TSEN2: variants seen among roughly 807,000 people sequenced by gnomAD.
The protein encoded by TSEN2 is tRNA splicing endonuclease subunit 2.
In TSEN2, 54 loss-of-function variants were observed where a neutral mutation model predicts 59.2. That is an observed-to-expected ratio of 0.91 (90% CI 0.73 to 1.14). TSEN2 has a LOEUF of 1.14. Ranked by LOEUF, TSEN2 falls within the 50% of genes most tolerant of loss-of-function variation. The pLI, the probability that TSEN2 is intolerant of heterozygous loss-of-function variation, is 0.00. For missense variants in TSEN2, 636 were observed against 576.2 expected (o/e 1.10, Z -1.06); for synonymous variants, 195 against 198.2 (o/e 0.98, Z 0.14).
chr3:12,503,746 T>G lies in TSEN2; in HGVS notation c.793T>G (p.Cys265Gly). 3 of 1,613,732 alleles carry G rather than the reference T, an allele frequency of 1.9e-6. No homozygotes were observed. Among genetic ancestry groups the G allele is most frequent in the South Asian group, 2.2e-5 (2 of 91,052 alleles). The change falls in exon 5 of 12, where the codon TGT becomes GGT. Residue 265 changes from cysteine (C) to glycine (G), a missense_variant. Coordinates refer to ENST00000284995, the MANE Select transcript of TSEN2 (RefSeq NM_025265.4). ...GTACGTGCTGGTCGAGGAAGCGGAGTGTGCCATGAGCGAGAGGGAGGCTGC... is the reference window on the plus strand; with the variant it reads ...GTACGTGCTGGTCGAGGAAGCGGAGGGTGCCATGAGCGAGAGGGAGGCTGC... ...HEYVLVEEAE[C>G]AMSEREAAPN...
chr3:12,534,091 A>T (rs2348194), downstream of TSEN2, among the ~76,000 whole-genome samples: 62,913 of 151,378 alleles, frequency 0.42, 14,032 homozygotes, highest in African/African-American at 0.58. Context: ...TAAAAATTGC[A>T]TGCAGTCAGA....
rs1329474536 is a variant in TSEN2, at chr3:12,519,466, CTGA to C, written c.1099+270_1099+272del. On this transcript the variant is annotated intron_variant, in intron 8 of 11. Transcript: ENST00000284995. Reference sequence around the variant, plus strand: ...CTATGATCTTAGAAAAGCGTTCTGGCTGAGCGCCGTGGCTTACGCATGTAATCC... The same window carrying C: ...CTATGATCTTAGAAAAGCGTTCTGGCGCGCCGTGGCTTACGCATGTAATCC... Among the ~76,000 whole-genome samples, 6 of 152,322 alleles carry C rather than the reference CTGA, an allele frequency of 3.9e-5. No homozygotes were observed. In the South Asian group the frequency reaches 1.2e-3, roughly 32 times the overall value.
At chr3:12,505,373 C>T in intron 6 of TSEN2, 142 bp downstream of exon 6, 3 of 679,578 alleles carry the variant, frequency 4.4e-6, no homozygotes, top group Non-Finnish European at 8.1e-6. Context: ...CTATGGGTAG[C>T]TCCCAAGTAG....
intron 6 of TSEN2, among the ~76,000 whole-genome samples, chr3:12,515,991 A>G (rs2056032991): frequency 6.6e-6 from 1 of 152,130 alleles, no homozygotes; most frequent in African/African-American, 2.4e-5. Context: ...CTTCAGTTAT[A>G]TAGGTTTTTT....
chr3:12,537,891 A>G (rs536159214), downstream of TSEN2, among the ~76,000 whole-genome samples: 2 of 152,336 alleles, frequency 1.3e-5, no homozygotes, highest in African/African-American at 4.8e-5. Context: ...GTTACTACTA[A>G]TAATGAGTAA....
chr3:12,497,790 C>G (rs2053904559), intron 4 of TSEN2, among the ~76,000 whole-genome samples: 1 of 152,178 alleles, frequency 6.6e-6, no homozygotes, highest in Non-Finnish European at 1.5e-5. Flanking sequence ...TATTCATTTC[C>G]TAGGGCTGCC....
At chr3:12,506,439 AC>A (rs2054841829) in intron 6 of TSEN2, among the ~76,000 whole-genome samples, 1 of 152,070 alleles carries the variant, frequency 6.6e-6, no homozygotes, top group South Asian at 2.1e-4. Flanking sequence ...TACAAAAAAT[AC>A]AAAAATTAGC....
At chr3:12,505,738 C>T (rs1223239389) in intron 6 of TSEN2, among the ~76,000 whole-genome samples, 4 of 141,440 alleles carry the variant, frequency 2.8e-5, no homozygotes, top group Non-Finnish European at 4.5e-5. Flanking sequence ...AAGCCAAGAT[C>T]GTGCCATTGC....
intron 3 of TSEN2, 56 bp from the exon 4 acceptor site, chr3:12,496,462 T>A (rs1296378311): frequency 6.4e-7 from 1 of 1,558,246 alleles, no homozygotes; most frequent in Non-Finnish European, 8.9e-7. Context: ...AGATTTTTAG[T>A]GTTTGTTCCC....
rs1330403611 is a variant in TSEN2 at position 12,503,763 on chromosome 3, G to C, written c.810G>C (p.Arg270Ser). 3 of 1,614,010 alleles carry C rather than the reference G, an allele frequency of 1.9e-6. No individual in the cohort carries two copies. Among genetic ancestry groups the C allele is most frequent in the Admixed American group, 1.7e-5 (1 of 59,972 alleles). Residue 270 changes from arginine (R) to serine (S), a missense_variant, in exon 5 of 12, where the codon AGG (arginine) becomes AGC (serine). Physicochemically the swap from Arg to Ser is moderately radical, Grantham distance 110. Transcript: ENST00000284995. Reference sequence around the variant, plus strand: ...AAGCGGAGTGTGCCATGAGCGAGAGGGAGGCTGCCCCAAATGAGGAAGTAA... The same window carrying C: ...AAGCGGAGTGTGCCATGAGCGAGAGCGAGGCTGCCCCAAATGAGGAAGTAA... ...VEEAECAMSE[R>S]EAAPNEELVQ...
At chr3:12,511,496 A>G (rs1185321251) in intron 6 of TSEN2, among the ~76,000 whole-genome samples, 1 of 152,176 alleles carries the variant, frequency 6.6e-6, no homozygotes, top group Non-Finnish European at 1.5e-5. Context: ...ATCTCCTAAC[A>G]TAAACCAAAA....
At position 12,510,016 on chromosome 3, in the gene TSEN2, G is replaced by A. The variant is rs369644921; in HGVS notation, c.909+4785G>A. ...GCTCATGTGTCCTTCTCCCCAAGGAGGTATAAACTGTTTTTTACTTGATAC... is the reference window on the plus strand; with the variant it reads ...GCTCATGTGTCCTTCTCCCCAAGGAAGTATAAACTGTTTTTTACTTGATAC... On this transcript the variant is annotated intron_variant, in intron 6 of 11. Coordinates refer to ENST00000284995, the MANE Select transcript of TSEN2 (RefSeq NM_025265.4). 1.1e-4 allele frequency among the ~76,000 whole-genome samples: 16 copies of A among 152,322 alleles called. No homozygotes were observed. In the East Asian group the frequency reaches 2.9e-3, roughly 28 times the overall value.
chr3:12,495,673 G>A (rs2053677236), intron 3 of TSEN2, among the ~76,000 whole-genome samples: 1 of 152,250 alleles, frequency 6.6e-6, no homozygotes, highest in Non-Finnish European at 1.5e-5. Context: ...GTCACTAGGT[G>A]TGCAATCTTG....
chr3:12,513,429 A>G (rs2055710107), intron 6 of TSEN2, among the ~76,000 whole-genome samples: 1 of 152,202 alleles, frequency 6.6e-6, no homozygotes, highest in Admixed American at 6.5e-5. Context: ...AGTTCCAGAA[A>G]GGAGGAAAAC....
chr3:12,492,044 C>T (rs573600189), intron 2 of TSEN2, 92 bp from the exon 3 acceptor site: 377 of 1,096,974 alleles, frequency 3.4e-4, no homozygotes, highest in Non-Finnish European at 3.8e-4. Flanking sequence ...AACCAGCCCC[C>T]TGTGGATACT....
Position 12,519,192 on chromosome 3 carries a change from A to G in TSEN2, c.1094A>G (p.Asp365Gly). 2 of 1,614,216 alleles carry G rather than the reference A, an allele frequency of 1.2e-6. No homozygotes were observed. The highest frequency in any genetic ancestry group is 1.1e-5 in the South Asian group (1 of 91,090). Residue 365 changes from aspartate (D) to glycine (G), a missense_variant, in exon 8 of 12, where the codon GAT becomes GGT. Transcript: ENST00000284995. ...AAAGTGGGACTCAAGTACGGGACAGATTTACGTAAGTAATTCTTGGCGTGG... is the reference window on the plus strand; with the variant it reads ...AAAGTGGGACTCAAGTACGGGACAGGTTTACGTAAGTAATTCTTGGCGTGG... ...VPKVGLKYGT[D>G]LLLYRKGPPF...
At chr3:12,532,522 T>G in intron 11 of TSEN2, 140 bp from the exon 12 acceptor site, 2 of 758,352 alleles carry the variant, frequency 2.6e-6, no homozygotes, top group Non-Finnish European at 4.5e-6. Flanking sequence ...TTTCTCCAGA[T>G]GTTTCTGTTC....
intron 1 of TSEN2, 103 bp from the exon 2 acceptor site, chr3:12,489,681 A>C: frequency 1.1e-6 from 1 of 923,368 alleles, no homozygotes; most frequent in Non-Finnish European, 1.7e-6. Context: ...TTCTTCCCAC[A>C]GACCACTAAG....
At chr3:12,499,291 C>T (rs753686899) in intron 4 of TSEN2, among the ~76,000 whole-genome samples, 2 of 152,144 alleles carry the variant, frequency 1.3e-5, no homozygotes, top group Admixed American at 1.3e-4. Flanking sequence ...TTGCCCACCC[C>T]GTTGTCCTTT....
Sources: allele counts gnomAD v4.1 joint callset (sites outside exome capture counted in the v4.1 genomes callset), GRCh38; gene constraint gnomAD v4.1.1; transcripts MANE v1.5; gene names NCBI Gene and HGNC (gene_info 2026-07-23, HGNC 2026-07-21).